VPS13A: variants seen among roughly 807,000 people sequenced by gnomAD.
The protein encoded by VPS13A is intermembrane lipid transfer protein VPS13A.
A neutral mutation model predicts 390.9 loss-of-function variants in VPS13A; 264 were observed. The ratio of observed to expected loss-of-function variants is 0.68; its 90% CI spans 0.61 to 0.75. The LOEUF (loss-of-function observed/expected upper bound fraction) is 0.75. Ranked by LOEUF, VPS13A falls within the 30% of genes least tolerant of loss-of-function variation. VPS13A has a pLI of 0.00. For synonymous variants in VPS13A, 1,231 were observed against 1,227.1 expected (o/e 1.00, Z -0.07); for missense variants, 3,409 against 3,733.9 (o/e 0.91, Z 2.27).
intron 5 of VPS13A, among the ~76,000 whole-genome samples, chr9:77,207,430 T>C (rs1039400756): frequency 1.3e-5 from 2 of 150,590 alleles, no homozygotes; most frequent in Non-Finnish European, 3.0e-5. Flanking sequence ...TATGATGTAC[T>C]ATGAAGATTG....
chr9:77,200,362 G>A (rs1465783961), intron 2 of VPS13A, among the ~76,000 whole-genome samples: 2 of 152,034 alleles, frequency 1.3e-5, no homozygotes, highest in South Asian at 2.1e-4. Context: ...GGTGGTGGAC[G>A]CCAGTAATCC....
At chr9:77,265,024 G>A (rs911483159) in intron 23 of VPS13A, among the ~76,000 whole-genome samples, 24 of 152,174 alleles carry the variant, frequency 1.6e-4, no homozygotes, top group Middle Eastern at 3.4e-3. Flanking sequence ...GAATTTTATC[G>A]AAGGCCTTTT....
In VPS13A at chr9:77,228,231, T is replaced by G; in HGVS notation, c.1562T>G (p.Leu521Ter). The G allele has an allele frequency of 5.6e-6, 9 of 1,602,156 alleles. No homozygotes were observed. The highest frequency in any genetic ancestry group is 7.7e-6 in the Non-Finnish European group (9 of 1,173,874). ...VDIVIEEFST[L>*]IVQRPGAQAI... ...ATTGTAATAGAAGAATTTAGCACCT[T>G]AATTGTGCAAAGACCAGGAGCACAA... The change falls in exon 17 of 72, where the codon TTA (leucine) becomes TGA (stop). Residue 521 changes from leucine (L) to a stop codon, truncating the protein, a stop_gained. Coordinates refer to ENST00000360280, the MANE Select transcript of VPS13A (RefSeq NM_033305.3). LOFTEE classifies it high-confidence loss of function.
At chr9:77,275,724 C>T in intron 25 of VPS13A, 72 bp downstream of exon 25, 4 of 1,495,400 alleles carry the variant, frequency 2.7e-6, no homozygotes, top group Non-Finnish European at 2.8e-6. Context: ...ACTATATAGT[C>T]TCATTGTTAA....
At chr9:77,216,630 T>C (rs531723020) in intron 10 of VPS13A, among the ~76,000 whole-genome samples, 4 of 152,168 alleles carry the variant, frequency 2.6e-5, no homozygotes, top group Non-Finnish European at 5.9e-5. Flanking sequence ...AGCTCTTCAA[T>C]TAAAAAATAT....
intron 67 of VPS13A, among the ~76,000 whole-genome samples, chr9:77,372,459 AAATT>A (rs1209789404): frequency 2.0e-5 from 3 of 152,132 alleles, no homozygotes; most frequent in Admixed American, 2.0e-4. Context: ...AACTCTCAAT[AAATT>A]AGGTATTGAT....
chr9:77,269,369 ACT>A (rs1419689614), intron 23 of VPS13A, among the ~76,000 whole-genome samples: 1 of 151,568 alleles, frequency 6.6e-6, no homozygotes, highest in East Asian at 1.9e-4. Flanking sequence ...TCTATTTCAG[ACT>A]CTTCCAGTGA....
intron 53 of VPS13A, among the ~76,000 whole-genome samples, chr9:77,352,674 A>G (rs144688935): frequency 5.8e-4 from 88 of 152,208 alleles, no homozygotes; most frequent in Non-Finnish European, 1.0e-3. Flanking sequence ...TTGATTCTCA[A>G]TGTGGTTTTA....
In VPS13A at chr9:77,365,572, A is replaced by T. The variant is rs760798467; in HGVS notation, c.8324A>T (p.Lys2775Met). ...GAATATTTTCATATATCTCCTATCAAGGTAGGAGAAAGTCATTTTTATTGT... is the reference window on the plus strand; with the variant it reads ...GAATATTTTCATATATCTCCTATCATGGTAGGAGAAAGTCATTTTTATTGT... ...LYEYFHISPI[K>M]LHLSVSLSSG... is the part of the protein sequence containing the mutation. The change falls in exon 60 of 72, where the codon AAG becomes ATG. Residue 2775 changes from lysine (K) to methionine (M), a missense_variant and splice_region_variant. Lys to Met is a moderately conservative substitution (Grantham distance 95, BLOSUM62 -1). This residue lies in a region of VPS13A where 123 missense variants were observed against 118.7 expected (regional missense o/e 1.04). Coordinates refer to ENST00000360280, the MANE Select transcript of VPS13A (RefSeq NM_033305.3). The T allele has an allele frequency of 5.3e-5, 83 of 1,580,920 alleles. No individual in the cohort carries two copies. The South Asian group carries it at 7.2e-4, about 14-fold the overall frequency.
chr9:77,357,015 T>A, intron 55 of VPS13A, 148 bp downstream of exon 55: 4 of 935,298 alleles, frequency 4.3e-6, no homozygotes, highest in Non-Finnish European at 6.4e-6. Flanking sequence ...TTTAAAGAGG[T>A]GTTTATCTAT....
At chr9:77,199,461 A>G (rs888031053) in intron 1 of VPS13A, among the ~76,000 whole-genome samples, 3 of 152,190 alleles carry the variant, frequency 2.0e-5, no homozygotes, top group African/African-American at 7.2e-5. Flanking sequence ...AGCTTTTGCA[A>G]TTGTCCTATA....
At chr9:77,370,756 A>T (rs1209372875) in intron 65 of VPS13A, 134 bp from the exon 66 acceptor site, 5 of 1,405,900 alleles carry the variant, frequency 3.6e-6, no homozygotes, top group Non-Finnish European at 4.9e-6. Context: ...CTGTTTAAAT[A>T]AAATACTTAG....
At chr9:77,356,457 C>T (rs1831783676) in intron 54 of VPS13A, among the ~76,000 whole-genome samples, 1 of 152,128 alleles carries the variant, frequency 6.6e-6, no homozygotes, top group African/African-American at 2.4e-5. Flanking sequence ...TTTATTTTCA[C>T]TCCCCCACTA....
At chr9:77,363,365 TCTA>T (rs1832246554) in intron 59 of VPS13A, among the ~76,000 whole-genome samples, 1 of 151,614 alleles carries the variant, frequency 6.6e-6, no homozygotes, top group Admixed American at 6.6e-5. Flanking sequence ...TGGGTTTTGT[TCTA>T]CTGATATGTT....
At chr9:77,341,722 C>CTTTTTTTTTTTTTTTTTTTTT (rs1342016752) in intron 50 of VPS13A, among the ~76,000 whole-genome samples, 208 of 65,950 alleles carry the variant, frequency 3.2e-3, no homozygotes, top group Non-Finnish European at 3.7e-3. Context: ...TTTTTTTTTG[C>CTTTTTTTTTTTTTTTTTTTTT]TTTTGCTGTG....
At chr9:77,195,193 G>A (rs1247005843) in intron 1 of VPS13A, among the ~76,000 whole-genome samples, 19 of 151,972 alleles carry the variant, frequency 1.3e-4, no homozygotes, top group Non-Finnish European at 2.1e-4. Context: ...GCGCAATCTC[G>A]GCTCACTGGA....
chr9:77,389,911 G>A (rs1833837908), intron 68 of VPS13A: 1 of 174,108 alleles, frequency 5.7e-6, no homozygotes. Flanking sequence ...GTTACAGAAG[G>A]GAGGCTGTTT....
intron 67 of VPS13A, among the ~76,000 whole-genome samples, chr9:77,381,710 T>C (rs1833447932): frequency 6.6e-6 from 1 of 152,068 alleles, no homozygotes; most frequent in Admixed American, 6.6e-5. Context: ...CTAAAGAAAC[T>C]AGACAACGTA....
intron 45 of VPS13A, among the ~76,000 whole-genome samples, chr9:77,326,157 A>G (rs927859608): frequency 6.6e-6 from 1 of 151,998 alleles, no homozygotes; most frequent in Non-Finnish European, 1.5e-5. Context: ...AAATGTGTCA[A>G]TCTTTTCTTC....
Sources: allele counts gnomAD v4.1 joint callset (sites outside exome capture counted in the v4.1 genomes callset), GRCh38; gene constraint gnomAD v4.1.1; regional missense constraint gnomAD v4.1.1; transcripts MANE v1.5; gene names NCBI Gene and HGNC (gene_info 2026-07-23, HGNC 2026-07-21).